NRXN1: variants seen among roughly 807,000 people sequenced by gnomAD.
The protein encoded by NRXN1 is neurexin 1, also known as neurexin-1.
Under a neutral mutation model 150.9 loss-of-function variants are expected in NRXN1, and 39 were observed. That is an observed-to-expected ratio of 0.26 (90% CI 0.20 to 0.34). The LOEUF (loss-of-function observed/expected upper bound fraction) is 0.34. NRXN1 is among the 10% of genes least tolerant of loss of function. NRXN1 has a pLI of 1.00. For synonymous variants in NRXN1, 924 were observed against 757.0 expected (o/e 1.22, Z -3.62); for missense variants, 1,815 against 1,949.9 (o/e 0.93, Z 1.30).
intron 5 of NRXN1, among the ~76,000 whole-genome samples, chr2:50,755,744 GAAC>G (rs1428147921): frequency 6.6e-6 from 1 of 151,716 alleles, no homozygotes; most frequent in Non-Finnish European, 1.5e-5. Context: ...CTAACAATAA[GAAC>G]AACAATAGAA....
At chr2:50,234,322 C>T (rs1013286453) in intron 18 of NRXN1, among the ~76,000 whole-genome samples, 12 of 152,094 alleles carry the variant, frequency 7.9e-5, no homozygotes, top group Middle Eastern at 3.4e-3. Context: ...AGTGAAAACC[C>T]GTCTCTACCG....
chr2:50,897,120 G>C (rs1471592926), intron 5 of NRXN1, among the ~76,000 whole-genome samples: 1 of 152,156 alleles, frequency 6.6e-6, no homozygotes. Flanking sequence ...ATGGCTAACA[G>C]CAACTGCTTT....
intron 18 of NRXN1, among the ~76,000 whole-genome samples, chr2:50,157,977 A>AG (rs2059127453): frequency 6.6e-6 from 1 of 151,020 alleles, no homozygotes; most frequent in African/African-American, 2.4e-5. Flanking sequence ...AGTAGCTAGT[A>AG]GGGGAGAGAA....
intron 17 of NRXN1, among the ~76,000 whole-genome samples, chr2:50,449,280 T>C (rs2086744269): frequency 1.3e-5 from 2 of 152,224 alleles, no homozygotes; most frequent in South Asian, 4.1e-4. Flanking sequence ...GTCAAGAAAG[T>C]GAATCCATAC....
intron 5 of NRXN1, among the ~76,000 whole-genome samples, chr2:50,762,403 A>G (rs1701901443): frequency 6.6e-6 from 1 of 151,730 alleles, no homozygotes; most frequent in Non-Finnish European, 1.5e-5. Context: ...ATACTTTGTG[A>G]TGCTGAGGTT....
chr2:50,267,802 T>A (rs1292860583), intron 17 of NRXN1, among the ~76,000 whole-genome samples: 1 of 152,174 alleles, frequency 6.6e-6, no homozygotes, highest in Non-Finnish European at 1.5e-5. Flanking sequence ...TTTCAAAATA[T>A]GTTTCACATT....
intron 17 of NRXN1, among the ~76,000 whole-genome samples, chr2:50,324,525 CTTTTA>C (rs375809402): frequency 9.2e-5 from 14 of 152,260 alleles, no homozygotes; most frequent in South Asian, 2.1e-4. Context: ...GTGTGTAAGT[CTTTTA>C]TTTTATTTTA....
At chr2:49,955,389 C>A (rs1366888209) in intron 21 of NRXN1, among the ~76,000 whole-genome samples, 1 of 152,086 alleles carries the variant, frequency 6.6e-6, no homozygotes, top group Non-Finnish European at 1.5e-5. Flanking sequence ...CCACATTATA[C>A]CCCATGGCTG....
intron 22 of NRXN1, among the ~76,000 whole-genome samples, chr2:49,937,084 A>G (rs1671176888): frequency 1.3e-5 from 2 of 152,164 alleles, no homozygotes; most frequent in Admixed American, 1.3e-4. Context: ...CGTAATATAA[A>G]CATCAGAGAA....
intron 17 of NRXN1, among the ~76,000 whole-genome samples, chr2:50,452,330 A>G (rs192839723): frequency 2.8e-4 from 42 of 152,182 alleles, no homozygotes; most frequent in Admixed American, 8.5e-4. Context: ...ACATAAGTAA[A>G]AATAGGTCTG....
intron 10 of NRXN1, among the ~76,000 whole-genome samples, chr2:50,537,349 A>ATT (rs2093285640): frequency 6.6e-6 from 1 of 152,182 alleles, no homozygotes; most frequent in Non-Finnish European, 1.5e-5. Flanking sequence ...CATTGTTGAA[A>ATT]ATAAGTGGCA....
intron 2 of NRXN1, among the ~76,000 whole-genome samples, chr2:50,971,268 C>T (rs1031758049): frequency 2.6e-5 from 4 of 152,052 alleles, no homozygotes; most frequent in Non-Finnish European, 5.9e-5. Flanking sequence ...GGCTGAAATT[C>T]GATGATTCCA....
intron 17 of NRXN1, among the ~76,000 whole-genome samples, chr2:50,313,755 A>T (rs2075365390): frequency 6.6e-6 from 1 of 152,064 alleles, no homozygotes; most frequent in African/African-American, 2.4e-5. Flanking sequence ...GATTGCTAGG[A>T]TATTTAGTGT....
chr2:50,254,215 G>C (rs1246138784), intron 17 of NRXN1, among the ~76,000 whole-genome samples: 1 of 151,696 alleles, frequency 6.6e-6, no homozygotes, highest in Non-Finnish European at 1.5e-5. Flanking sequence ...GGTGTTTATA[G>C]TATACTCTGA....
rs1389763156 is a variant in NRXN1 at position 50,163,131 on chromosome 2, T to C, written c.3547-71637A>G. Among the ~76,000 whole-genome samples the C allele has an allele frequency of 2.8e-5, 4 of 144,120 alleles. No homozygotes were observed. In the East Asian group the frequency reaches 8.1e-4, roughly 29 times the overall value. 94.5% of individuals were successfully genotyped at this position (144,120 alleles called of 152,430 possible). On this transcript the variant is annotated intron_variant, in intron 18 of 22. Transcript: ENST00000401669. ...TACTGAGCAAAAATAATTTCAACTA[T>C]ATATAACAGTTATAGATCTATCAAT...
At chr2:50,893,556 T>C (rs1459885801) in intron 5 of NRXN1, among the ~76,000 whole-genome samples, 2 of 152,164 alleles carry the variant, frequency 1.3e-5, no homozygotes, top group Non-Finnish European at 2.9e-5. Context: ...ATATTTGAGA[T>C]GTCCCCATGT....
intron 17 of NRXN1, among the ~76,000 whole-genome samples, chr2:50,412,337 A>C (rs1311215997): frequency 6.6e-6 from 1 of 151,618 alleles, no homozygotes; most frequent in African/African-American, 2.4e-5. Context: ...TAAAAAATAA[A>C]AAAAATAATA....
At chr2:50,680,991 T>A (rs1364377533) in intron 5 of NRXN1, among the ~76,000 whole-genome samples, 2 of 152,170 alleles carry the variant, frequency 1.3e-5, no homozygotes, top group South Asian at 2.1e-4. Flanking sequence ...AAAAAAAAAA[T>A]TCTGTGTCTT....
chr2:50,047,868 C>G (rs1692080932), intron 21 of NRXN1, among the ~76,000 whole-genome samples: 1 of 152,030 alleles, frequency 6.6e-6, no homozygotes, highest in South Asian at 2.1e-4. Flanking sequence ...AGAAAGGTAC[C>G]TGAGATATAG....
Sources: gnomAD v4.1 joint callset for allele counts (sites outside exome capture counted in the v4.1 genomes callset) on GRCh38, gnomAD v4.1.1 for gene constraint, MANE v1.5 for transcripts, NCBI Gene and HGNC (gene_info 2026-07-23, HGNC 2026-07-21) for gene names.